GRIP1: variants seen among roughly 807,000 people sequenced by gnomAD.
GRIP1 encodes glutamate receptor-interacting protein 1.
GRIP1 carries 45 observed loss-of-function variants against 129.9 expected under a neutral mutation model. That is an observed-to-expected ratio of 0.35 (90% CI 0.27 to 0.44). The LOEUF is 0.44. Among genes scored for constraint, GRIP1 ranks in the 20% least tolerant of loss-of-function variants. The pLI is 1.00. For missense variants in GRIP1, 1,196 were observed against 1,396.8 expected, an observed-to-expected ratio of 0.86 and a Z score of 2.29; for synonymous variants, 530 against 520.8, an observed-to-expected ratio of 1.02 and a Z score of -0.24.
At chr12:66,610,275 C>T (rs1325579927) in intron 1 of GRIP1, among the ~76,000 whole-genome samples, 1 of 151,960 alleles carries the variant, frequency 6.6e-6, no homozygotes, top group Non-Finnish European at 1.5e-5. Context: ...CATAGATACA[C>T]ACATACACTT....
chr12:66,653,205 A>T (rs1348732235), intron 1 of GRIP1, among the ~76,000 whole-genome samples: 1 of 151,634 alleles, frequency 6.6e-6, no homozygotes, highest in Non-Finnish European at 1.5e-5. Context: ...AACTTAAAAT[A>T]AAAAAAAACC....
upstream of GRIP1, among the ~76,000 whole-genome samples, chr12:66,683,049 A>C (rs2034645121): frequency 6.6e-6 from 1 of 151,090 alleles, no homozygotes; most frequent in Admixed American, 6.6e-5. Context: ...TGATCCCCAC[A>C]CCCCCTACCC....
intron 23 of GRIP1, among the ~76,000 whole-genome samples, chr12:66,361,681 C>CTCA (rs1192984469): frequency 2.0e-5 from 3 of 152,092 alleles, no homozygotes; most frequent in African/African-American, 7.2e-5. Context: ...GTCCCTGTTG[C>CTCA]GGGTGTCTTT....
chr12:66,981,624 T>G (rs1375309328), intron 1 of GRIP1, among the ~76,000 whole-genome samples: 2 of 152,194 alleles, frequency 1.3e-5, no homozygotes, highest in East Asian at 1.9e-4. Flanking sequence ...AAGAAAAAAT[T>G]TAGCTTTACA....
At chr12:66,352,707 T>TGA (rs775307207) in intron 24 of GRIP1, among the ~76,000 whole-genome samples, 10 of 30,326 alleles carry the variant, frequency 3.3e-4, no homozygotes, top group African/African-American at 8.2e-4. Flanking sequence ...CACTCCAGCC[T>TGA]GAGACTCTGT....
rs1565786165 is a variant in GRIP1 at position 66,481,049 on chromosome 12, A to T, written c.725-15627T>A. Among the ~76,000 whole-genome samples the T allele has an allele frequency of 2.6e-5, 4 of 152,266 alleles. No homozygotes were observed. The South Asian group carries it at 8.3e-4, about 32-fold the overall frequency. On this transcript the variant is annotated intron_variant, in intron 7 of 24. Coordinates refer to ENST00000359742, the MANE Select transcript of GRIP1 (RefSeq NM_001366722.1). ...CCAAAAGCAATGGCAACAAAAGCCA[A>T]AATTAACAAATGGGATGCAATGGCA... is the stretch of plus-strand genomic sequence containing the variant.
At position 66,872,145 on chromosome 12, in the gene GRIP1, C is replaced by G. The variant is rs549654760; in HGVS notation, c.58+196905G>C. ...GACTCCCTTCCAGCTAGGATACATG[C>G]ACCTGCAGGAGGTTTTGCCAGTTAG... is the stretch of plus-strand genomic sequence containing the variant. On this transcript the variant is annotated intron_variant, in intron 1 of 1. Transcript: ENST00000643019. Among the ~76,000 whole-genome samples the G allele has an allele frequency of 1.7e-3, 261 of 152,154 alleles. 1 individual carries two copies. Among genetic ancestry groups the G allele is most frequent in the African/African-American group, 5.9e-3 (247 of 41,540 alleles).
At chr12:66,756,695 T>C (rs541523116) in intron 1 of GRIP1, among the ~76,000 whole-genome samples, 1 of 152,156 alleles carries the variant, frequency 6.6e-6, no homozygotes, top group Non-Finnish European at 1.5e-5. Flanking sequence ...GCATGCATCA[T>C]CTCATTTAAT....
At chr12:66,715,978 G>A (rs991790006) in intron 1 of GRIP1, among the ~76,000 whole-genome samples, 6 of 151,804 alleles carry the variant, frequency 4.0e-5, no homozygotes, top group Non-Finnish European at 7.4e-5. Flanking sequence ...ATGATGCTTT[G>A]GAGATTTATT....
At chr12:66,670,556 G>C (rs2034029411) in intron 1 of GRIP1, among the ~76,000 whole-genome samples, 1 of 152,164 alleles carries the variant, frequency 6.6e-6, no homozygotes, top group Non-Finnish European at 1.5e-5. Flanking sequence ...TCAGCAAATG[G>C]TTGAGTCAAC....
intron 1 of GRIP1, among the ~76,000 whole-genome samples, chr12:67,052,129 C>G (rs1468735425): frequency 6.6e-6 from 1 of 152,146 alleles, no homozygotes; most frequent in Non-Finnish European, 1.5e-5. Flanking sequence ...ACAGATTAGC[C>G]TAGATAAATT....
intron 2 of GRIP1, among the ~76,000 whole-genome samples, chr12:66,584,833 T>G (rs2063552531): frequency 6.6e-6 from 1 of 151,958 alleles, no homozygotes; most frequent in South Asian, 2.1e-4. Context: ...CCTCTCTCTC[T>G]GCGCCTTGAA....
At chr12:66,817,435 G>T (rs2039242150) in intron 1 of GRIP1, among the ~76,000 whole-genome samples, 1 of 152,072 alleles carries the variant, frequency 6.6e-6, no homozygotes, top group South Asian at 2.1e-4. Context: ...TTGGGATGGA[G>T]TCTTTCTCTT....
chr12:66,941,903 C>T (rs762601461), intron 1 of GRIP1, among the ~76,000 whole-genome samples: 21 of 152,192 alleles, frequency 1.4e-4, no homozygotes, highest in Non-Finnish European at 5.9e-5. Flanking sequence ...TTCATCCAAT[C>T]GCACAGCAAA....
At chr12:66,616,276 C>A (rs1380340110) in intron 1 of GRIP1, among the ~76,000 whole-genome samples, 1 of 151,892 alleles carries the variant, frequency 6.6e-6, no homozygotes, top group East Asian at 1.9e-4. Flanking sequence ...TAAAAAAATA[C>A]TGAAATGGTG....
intron 1 of GRIP1, among the ~76,000 whole-genome samples, chr12:66,726,175 T>TA (rs1393598596): frequency 6.6e-6 from 1 of 151,926 alleles, no homozygotes; most frequent in African/African-American, 2.4e-5. Context: ...ATGAGAAAAA[T>TA]AAATTAATGT....
At chr12:66,695,526 G>A (rs969159292) in intron 1 of GRIP1, among the ~76,000 whole-genome samples, 4 of 152,152 alleles carry the variant, frequency 2.6e-5, no homozygotes, top group African/African-American at 9.7e-5. Context: ...TGATCCATGG[G>A]CATAAATCTG....
intron 1 of GRIP1, among the ~76,000 whole-genome samples, chr12:66,862,841 C>A (rs2040136353): frequency 6.6e-6 from 1 of 152,032 alleles, no homozygotes; most frequent in African/African-American, 2.4e-5. Context: ...CAGCATTACT[C>A]TTCTCTTCCC....
chr12:66,840,203 A>AAAT (rs1280650927), intron 1 of GRIP1, among the ~76,000 whole-genome samples: 1 of 152,112 alleles, frequency 6.6e-6, no homozygotes, highest in Non-Finnish European at 1.5e-5. Flanking sequence ...TGGGGATTTA[A>AAAT]AATAATAATA....
Sources: allele counts gnomAD v4.1 joint callset (sites outside exome capture counted in the v4.1 genomes callset), GRCh38; gene constraint gnomAD v4.1.1; transcripts MANE v1.5; gene names NCBI Gene and HGNC (gene_info 2026-07-23, HGNC 2026-07-21).